Variants in GPRIN2 observed in about 807,000 individuals in gnomAD.
GPRIN2 encodes G protein-regulated inducer of neurite outgrowth 2.
Under a neutral mutation model 0.3 loss-of-function variants are expected in GPRIN2, and 1 was observed. The observed-to-expected ratio is 3.90, with a 90% confidence interval of 1.39 to 18.51. The LOEUF (loss-of-function observed/expected upper bound fraction) is 18.51, where lower values mean the gene tolerates loss of function less well. Ranked by LOEUF, GPRIN2 falls within the 30% of genes most tolerant of loss-of-function variation. GPRIN2 has a pLI of 0.11. For synonymous variants in GPRIN2, 361 were observed against 258.6 expected (o/e 1.40, Z -3.80); for missense variants, 880 against 604.2 (o/e 1.46, Z -4.79).
chr10:46,556,511 G>A lies in GPRIN2; in HGVS notation c.-131C>T, dbSNP rs1453885915. Among the ~76,000 whole-genome samples the A allele has an allele frequency of 6.6e-6, 1 of 152,170 alleles. No homozygotes were observed. Among genetic ancestry groups the A allele is most frequent in the East Asian group, 1.9e-4 (1 of 5,140 alleles). On this transcript the variant is annotated 5_prime_UTR_variant, in exon 1 of 3. Transcript: ENST00000374314. ...CCAGCCTCTCACCCTCTCGCCCGCC[G>A]GGGCCGCGCAGGCGGGGGAAGCGCT...
At position 46,548,547 on chromosome 10, in the gene GPRIN2, G is replaced by A. The variant is rs1832798104; in HGVS notation, c.*813C>T. 1.4e-4 allele frequency among the ~76,000 whole-genome samples: 22 copies of A among 152,416 alleles called. No homozygotes were observed. The highest frequency in any genetic ancestry group is 4.1e-4 in the African/African-American group (17 of 41,598). On this transcript the variant is annotated 3_prime_UTR_variant, in exon 3 of 3. Transcript: ENST00000374314. Reference sequence around the variant, plus strand: ...AGCCTCTGACACAATGACCCTGGAAGCCTGGCAGCCCTCCGTAATGGTCAG... The same window carrying A: ...AGCCTCTGACACAATGACCCTGGAAACCTGGCAGCCCTCCGTAATGGTCAG...
intron 1 of GPRIN2, among the ~76,000 whole-genome samples, 89 bp downstream of exon 1, chr10:46,556,409 G>A (rs948289201): frequency 1.3e-5 from 2 of 152,298 alleles, no homozygotes; most frequent in African/African-American, 2.4e-5. Flanking sequence ...CAGGCAGCGG[G>A]AAGGAGTGGG....
Position 46,549,047 on chromosome 10 carries a change from A to G in GPRIN2, c.*313T>C, listed in dbSNP as rs1832771796. ...CAACATGGCAGAGTTCTGAGGGTGG[A>G]GTGAACAAAAGGTCATTTTTTACAG... On this transcript the variant is annotated 3_prime_UTR_variant, in exon 3 of 3. Transcript: ENST00000374314. 1.0e-5 allele frequency: 4 copies of G among 397,708 alleles called. No homozygotes were observed. In the East Asian group the frequency reaches 1.5e-4, roughly 15 times the overall value. The allele number at this position is 397,708 out of a possible 1,614,324, so 24.6% of individuals were successfully genotyped here.
Position 46,549,727 on chromosome 10 carries a change from A to G in GPRIN2, c.1010T>C (p.Val337Ala). ...ASPLSAQDAGVQAAPVAACKA... is the reference protein window; with the variant it reads ...ASPLSAQDAGAQAAPVAACKA... Reference sequence around the variant, plus strand: ...GCAGGCCGCCACTGGGGCCGCCTGCACACCAGCATCCTGGGCTGACAGCGG... The same window carrying G: ...GCAGGCCGCCACTGGGGCCGCCTGCGCACCAGCATCCTGGGCTGACAGCGG... Residue 337 changes from valine to alanine, a missense_variant, in exon 3 of 3, where the codon GTG becomes GCG. Transcript: ENST00000374314. 1 of 1,614,126 alleles carries G rather than the reference A, an allele frequency of 6.2e-7. No homozygotes were observed. The highest frequency in any genetic ancestry group is 2.2e-5 in the East Asian group (1 of 44,894).
In GPRIN2 at chr10:46,548,088, C is replaced by T. The variant is rs1439995069; in HGVS notation, c.*1272G>A. On this transcript the variant is annotated 3_prime_UTR_variant, in exon 3 of 3. Coordinates refer to ENST00000374314, the MANE Select transcript of GPRIN2 (RefSeq NM_001385282.1). Reference sequence around the variant, plus strand: ...CAGGCCAGGTCGTGGGCCATGACCCCACACTAGCCCTCTGGTCCCTCACAC... The same window carrying T: ...CAGGCCAGGTCGTGGGCCATGACCCTACACTAGCCCTCTGGTCCCTCACAC... 1.3e-5 allele frequency among the ~76,000 whole-genome samples: 2 copies of T among 152,308 alleles called. No homozygotes were observed. Among genetic ancestry groups the T allele is most frequent in the African/African-American group, 4.8e-5 (2 of 41,486 alleles).
rs138589013 is a variant in GPRIN2, at chr10:46,550,490, G to C, written c.247C>G (p.Arg83Gly). ...CACCAGTGGCCTCCAGCACTGGGTC[G>C]CGCCTTGGGGCCAGAGGCCCGTGCT... ...KPARASGPKA[R>G]PSAGGHWWSS... Residue 83 changes from arginine (R) to glycine (G), a missense_variant, in exon 3 of 3, where the codon CGA becomes GGA. By Grantham distance (125) the Arg-to-Gly change is moderately radical (BLOSUM62 -2). Transcript: ENST00000374314. The C allele has an allele frequency of 5.6e-6, 9 of 1,608,592 alleles. No individual in the cohort carries two copies. The highest frequency in any genetic ancestry group is 7.6e-6 in the Non-Finnish European group (9 of 1,177,052).
rs1189523938 is a variant in GPRIN2 at position 46,544,114 on chromosome 10, C to A, written c.*5246G>T. On this transcript the variant is annotated 3_prime_UTR_variant, in exon 3 of 3. Coordinates refer to ENST00000374314, the MANE Select transcript of GPRIN2 (RefSeq NM_001385282.1). ...ACACCCATCAAAAAGAGTGAGCAAACCTAAAGAAGGGTTCAATAGGGAAGG... is the reference window on the plus strand; with the variant it reads ...ACACCCATCAAAAAGAGTGAGCAAAACTAAAGAAGGGTTCAATAGGGAAGG... Among the ~76,000 whole-genome samples, 1 of 152,424 alleles carries A rather than the reference C, an allele frequency of 6.6e-6. No homozygotes were observed. The highest frequency in any genetic ancestry group is 1.9e-4 in the East Asian group (1 of 5,196).
rs1842334493 is a variant in GPRIN2, at chr10:46,548,120, A to G, written c.*1240T>C. On this transcript the variant is annotated 3_prime_UTR_variant, in exon 3 of 3. Coordinates refer to ENST00000374314, the MANE Select transcript of GPRIN2 (RefSeq NM_001385282.1). ...GCCCTCTGGTCCCTCACACGGGTGG[A>G]TTGGGGGGCTGTGTCACGGGATCTT... Among the ~76,000 whole-genome samples, 1 of 152,310 alleles carries G rather than the reference A, an allele frequency of 6.6e-6. No individual in the cohort carries two copies.
In GPRIN2 at chr10:46,549,492, AAACT is replaced by A; in HGVS notation, c.1241_1244del (p.Gln414LeufsTer57). On this transcript the variant is annotated frameshift_variant, in exon 3 of 3. Coordinates refer to ENST00000374314, the MANE Select transcript of GPRIN2 (RefSeq NM_001385282.1). LOFTEE classifies it low-confidence loss of function (END_TRUNC). ...TGGCGGGCGCCCGCTGCAGCTGCTC[AAACT>A]GCATCTCCAGGTGCTTCTGGATGGC... The A allele has an allele frequency of 1.2e-6, 2 of 1,612,916 alleles. No individual in the cohort carries two copies. Among genetic ancestry groups the A allele is most frequent in the East Asian group, 2.2e-5 (1 of 44,858 alleles).
intron 1 of GPRIN2, chr10:46,555,546 G>A (rs1017251392): frequency 6.5e-6 from 1 of 153,750 alleles, no homozygotes; most frequent in Non-Finnish European, 1.4e-5. Context: ...GGAGGGTTTG[G>A]AGGAGACAAA....
Position 46,549,594 on chromosome 10 carries a change from A to G in GPRIN2, c.1143T>C (p.Asp381=). Residue 381 remains aspartate (D), a synonymous_variant, in exon 3 of 3, where the codon GAT becomes GAC. Transcript: ENST00000374314. ...SLEEVPSPVR[D]VRWDAEGMTW... ...TCATGCCCTCAGCATCCCATCGCAC[A>G]TCCCGCACAGGGGACGGCACCTCCT... 1 of 1,614,256 alleles carries G rather than the reference A, an allele frequency of 6.2e-7. No individual in the cohort carries two copies. The highest frequency in any genetic ancestry group is 8.5e-7 in the Non-Finnish European group (1 of 1,180,022).
rs1832239089 is a variant in GPRIN2 at position 46,550,833 on chromosome 10, C to T, written c.-6-91G>A. 185 of 1,366,986 alleles carry T rather than the reference C, an allele frequency of 1.4e-4. No homozygotes were observed. In the African/African-American group the frequency reaches 2.3e-3, roughly 17 times the overall value. The allele number at this position is 1,366,986 out of a possible 1,614,324, so 84.7% of individuals were successfully genotyped here. A position where few individuals can be genotyped will look rare whatever the true frequency, so the allele number is the denominator to read the frequency against. On this transcript the variant is annotated intron_variant, in intron 2 of 2. Transcript: ENST00000374314. ...ATGAACTCCCACAGTGCTAGGTTCA[C>T]CAGGGAGCCACCTTCAGTCCCAGCC...
chr10:46,543,230 G>T lies in GPRIN2; in HGVS notation c.*6130C>A, dbSNP rs1833039103. ...ACACAGCCACAGCTGGGGGCCTGGT[G>T]GGGGGAATGGCCAAGACCGCAAGAA... On this transcript the variant is annotated 3_prime_UTR_variant, in exon 3 of 3. Transcript: ENST00000374314. 5.9e-4 allele frequency among the ~76,000 whole-genome samples: 90 copies of T among 152,400 alleles called. No homozygotes were observed. The highest frequency in any genetic ancestry group is 1.3e-3 in the African/African-American group (52 of 41,594).
At position 46,542,767 on chromosome 10, in the gene GPRIN2, C is replaced by G. The variant is rs1841855650; in HGVS notation, c.*6593G>C. Among the ~76,000 whole-genome samples, 1 of 152,306 alleles carries G rather than the reference C, an allele frequency of 6.6e-6. No individual in the cohort carries two copies. Among genetic ancestry groups the G allele is most frequent in the Non-Finnish European group, 1.5e-5 (1 of 68,054 alleles). Reference sequence around the variant, plus strand: ...TGGACACGAATCCAGTTCCTGACAGCAGAGAAGCATACAGGTGGGACAGTG... The same window carrying G: ...TGGACACGAATCCAGTTCCTGACAGGAGAGAAGCATACAGGTGGGACAGTG... On this transcript the variant is annotated 3_prime_UTR_variant, in exon 3 of 3. Coordinates refer to ENST00000374314, the MANE Select transcript of GPRIN2 (RefSeq NM_001385282.1).
chr10:46,551,725 T>C (rs966379108), intron 2 of GPRIN2, among the ~76,000 whole-genome samples: 1 of 152,426 alleles, frequency 6.6e-6, no homozygotes, highest in Non-Finnish European at 1.5e-5. Flanking sequence ...CCCCCAGCCA[T>C]AAAGACCACC....
rs1832492804 is a variant in GPRIN2, at chr10:46,550,071, A to G, written c.666T>C (p.Ala222=). 3.7e-6 allele frequency: 6 copies of G among 1,613,618 alleles called. No homozygotes were observed. Among genetic ancestry groups the G allele is most frequent in the Non-Finnish European group, 5.1e-6 (6 of 1,179,982 alleles). Residue 222 remains alanine (A), a synonymous_variant, in exon 3 of 3, where the codon GCT becomes GCC. Transcript: ENST00000374314. ...QAEPKAAEQL[A]TTTCHALPPA... ...GGGGCAGAGCATGGCAGGTGGTGGTAGCCAGCTGTTCAGCAGCTTTGGGCT... is the reference window on the plus strand; with the variant it reads ...GGGGCAGAGCATGGCAGGTGGTGGTGGCCAGCTGTTCAGCAGCTTTGGGCT...
chr10:46,557,095 C>T (rs1226451544), upstream of GPRIN2, among the ~76,000 whole-genome samples: 5 of 151,938 alleles, frequency 3.3e-5, no homozygotes, highest in African/African-American at 1.2e-4. Context: ...GCGGCTACCC[C>T]TTTCCTCTCG....
rs1046965614 is a variant in GPRIN2, at chr10:46,545,518, T to G, written c.*3842A>C. ...AGCTTCTGGGGAACCCAGCCCAAGA[T>G]GAGTGGTGAGGGCTAGGGTAGCCCT... On this transcript the variant is annotated 3_prime_UTR_variant, in exon 3 of 3. Transcript: ENST00000374314. Among the ~76,000 whole-genome samples, 2 of 152,310 alleles carry G rather than the reference T, an allele frequency of 1.3e-5. No homozygotes were observed. Among genetic ancestry groups the G allele is most frequent in the Non-Finnish European group, 2.9e-5 (2 of 68,056 alleles).
upstream of GPRIN2, among the ~76,000 whole-genome samples, chr10:46,557,098 T>A (rs1315770731): frequency 1.4e-5 from 2 of 148,132 alleles, no homozygotes; most frequent in Non-Finnish European, 3.0e-5. Flanking sequence ...GCTACCCCTT[T>A]CCTCTCGCCT....
Sources: gnomAD v4.1 joint callset for allele counts (sites outside exome capture counted in the v4.1 genomes callset) on GRCh38, gnomAD v4.1.1 for gene constraint, MANE v1.5 for transcripts, NCBI Gene and HGNC (gene_info 2026-07-23, HGNC 2026-07-21) for gene names.